CCAR1: variants seen among roughly 807,000 people sequenced by gnomAD.
CCAR1 encodes cell division cycle and apoptosis regulator 1.
In CCAR1, 78 loss-of-function variants were observed where a neutral mutation model predicts 163.8. That is an observed-to-expected ratio of 0.48 (90% CI 0.40 to 0.57). CCAR1 has a LOEUF of 0.57. CCAR1 is among the 20% of genes least tolerant of loss of function. The pLI is 0.00. For synonymous variants in CCAR1, 443 were observed against 460.7 expected, an observed-to-expected ratio of 0.96 and a Z score of 0.49; for missense variants, 1,019 against 1,365.2, an observed-to-expected ratio of 0.75 and a Z score of 4.00.
chr10:68,732,331 A>C (rs1564528966), intron 2 of CCAR1, among the ~76,000 whole-genome samples: 2 of 151,218 alleles, frequency 1.3e-5, no homozygotes. Flanking sequence ...CTATTACCAG[A>C]ACAGTTTTGT....
intron 4 of CCAR1, 28 bp from the exon 5 acceptor site, chr10:68,740,601 C>G (rs202105875): frequency 3.1e-6 from 5 of 1,600,792 alleles, no homozygotes; most frequent in Non-Finnish European, 4.3e-6. Flanking sequence ...TGACCCTTTT[C>G]TGTGTGTGTT....
Position 68,777,909 on chromosome 10 carries a change from A to G in CCAR1, c.2650+4810A>G, listed in dbSNP as rs551016051. ...ATCACACCACTGCACTCCAGCCTCGACAATAAAGCAAGACCCTGTCTGAAA... is the reference window on the plus strand; with the variant it reads ...ATCACACCACTGCACTCCAGCCTCGGCAATAAAGCAAGACCCTGTCTGAAA... On this transcript the variant is annotated intron_variant, in intron 19 of 24. Coordinates refer to ENST00000265872, the MANE Select transcript of CCAR1 (RefSeq NM_018237.4). Among the ~76,000 whole-genome samples, 419 of 151,906 alleles carry G rather than the reference A, an allele frequency of 2.8e-3. 3 individuals are homozygous for G. Among genetic ancestry groups the G allele is most frequent in the African/African-American group, 9.4e-3 (391 of 41,400 alleles).
At chr10:68,732,991 T>C (rs1463062639) in intron 2 of CCAR1, among the ~76,000 whole-genome samples, 1 of 152,220 alleles carries the variant, frequency 6.6e-6, no homozygotes, top group African/African-American at 2.4e-5. Flanking sequence ...CTCATTGCGG[T>C]TAACCTCATT....
intron 19 of CCAR1, among the ~76,000 whole-genome samples, chr10:68,774,490 T>A (rs1386020148): frequency 6.6e-6 from 1 of 151,762 alleles, no homozygotes; most frequent in Non-Finnish European, 1.5e-5. Context: ...ATACAAAAAA[T>A]TAGCCGGGCA....
At chr10:68,729,203 GTTATAT>G (rs2055996320) in intron 2 of CCAR1, among the ~76,000 whole-genome samples, 1 of 151,632 alleles carries the variant, frequency 6.6e-6, no homozygotes, top group Non-Finnish European at 1.5e-5. Flanking sequence ...CTTGTAATAG[GTTATAT>G]TTAAAGTATT....
chr10:68,787,070 G>T (rs543015492), intron 21 of CCAR1: 1 of 163,994 alleles, frequency 6.1e-6, no homozygotes, highest in Non-Finnish European at 1.3e-5. Context: ...GGGTGACAGA[G>T]TGAGACTCCA....
chr10:68,755,222 C>T, intron 12 of CCAR1, 148 bp from the exon 13 acceptor site: 2 of 792,284 alleles, frequency 2.5e-6, no homozygotes, highest in Non-Finnish European at 4.6e-6. Context: ...CAGTGTGGAA[C>T]ACAATGAACT....
At chr10:68,769,367 T>A (rs11594131) in intron 17 of CCAR1, among the ~76,000 whole-genome samples, 30,473 of 152,142 alleles carry the variant, frequency 0.2, 3,410 homozygotes, top group South Asian at 0.28. Flanking sequence ...ACGCCTGTAA[T>A]CCCAGCACTT....
rs1381743720 is a variant in CCAR1 at position 68,756,791 on chromosome 10, A to G, written c.1836+308A>G. ...GACCAGTTGTTGAACAAGATTCAGT[A>G]TTAAGCCATTTTAAACATTTTGCCA... On this transcript the variant is annotated intron_variant, in intron 14 of 24. Coordinates refer to ENST00000265872, the MANE Select transcript of CCAR1 (RefSeq NM_018237.4). The surrounding 1 kb of genome is among the most constrained non-coding windows in gnomAD (Gnocchi z 5.1). Among the ~76,000 whole-genome samples the G allele has an allele frequency of 6.6e-6, 1 of 152,244 alleles. No homozygotes were observed. Among genetic ancestry groups the G allele is most frequent in the East Asian group, 1.9e-4 (1 of 5,208 alleles).
chr10:68,758,517 TG>T (rs2056423815), intron 15 of CCAR1, among the ~76,000 whole-genome samples: 2 of 143,996 alleles, frequency 1.4e-5, no homozygotes, highest in Non-Finnish European at 3.0e-5. Flanking sequence ...TGTGTGTGTG[TG>T]TGTGTGTGTG....
chr10:68,726,373 G>C (rs1158300639), intron 2 of CCAR1, among the ~76,000 whole-genome samples: 1 of 151,876 alleles, frequency 6.6e-6, no homozygotes, highest in Non-Finnish European at 1.5e-5. Context: ...AGATGGTCTT[G>C]ATCTCCTGAC....
intron 19 of CCAR1, among the ~76,000 whole-genome samples, chr10:68,781,321 T>C (rs914877208): frequency 6.6e-6 from 1 of 151,998 alleles, no homozygotes; most frequent in Non-Finnish European, 1.5e-5. Context: ...GGTGGGCAGA[T>C]CACCTGAGAT....
intron 19 of CCAR1, among the ~76,000 whole-genome samples, chr10:68,785,274 G>A (rs1204818040): frequency 6.7e-6 from 1 of 150,290 alleles, no homozygotes; most frequent in Admixed American, 6.7e-5. Flanking sequence ...AGGCCAGAGT[G>A]CAGTAGCATG....
At chr10:68,755,711 G>A (rs961756777) in intron 13 of CCAR1, among the ~76,000 whole-genome samples, 175 bp downstream of exon 13, 2 of 152,148 alleles carry the variant, frequency 1.3e-5, no homozygotes, top group African/African-American at 4.8e-5. Flanking sequence ...ATGTTTTGGG[G>A]GAAAAGGGAT....
At chr10:68,763,326 T>C (rs2056497836) in intron 16 of CCAR1, among the ~76,000 whole-genome samples, 1 of 152,012 alleles carries the variant, frequency 6.6e-6, no homozygotes, top group Admixed American at 6.6e-5. Flanking sequence ...AATTTTTGTA[T>C]TTTTAGTAGA....
rs142003958 is a variant in CCAR1 at position 68,763,593 on chromosome 10, G to A, written c.2107-2295G>A. On this transcript the variant is annotated intron_variant, in intron 16 of 24. Coordinates refer to ENST00000265872, the MANE Select transcript of CCAR1 (RefSeq NM_018237.4). Reference sequence around the variant, plus strand: ...CTCCCGAGTAGCTGGGATTACAGGCGCCTGCCACCATGCCTGGCTAATTTT... The same window carrying A: ...CTCCCGAGTAGCTGGGATTACAGGCACCTGCCACCATGCCTGGCTAATTTT... 4.7e-3 allele frequency among the ~76,000 whole-genome samples: 720 copies of A among 151,962 alleles called. 9 individuals are homozygous for A. The highest frequency in any genetic ancestry group is 0.016 in the East Asian group (80 of 5,160).
intron 2 of CCAR1, among the ~76,000 whole-genome samples, chr10:68,731,152 A>G (rs1220835282): frequency 1.3e-5 from 2 of 152,212 alleles, no homozygotes; most frequent in Non-Finnish European, 2.9e-5. Flanking sequence ...GTGCTTCAAT[A>G]TGTATAATTG....
intron 3 of CCAR1, 92 bp downstream of exon 3, chr10:68,737,140 G>T: frequency 1.2e-6 from 1 of 832,590 alleles, no homozygotes; most frequent in Non-Finnish European, 1.9e-6. Context: ...AGGTAGTGAA[G>T]AATTATGTGT....
intron 15 of CCAR1, among the ~76,000 whole-genome samples, chr10:68,759,096 A>T (rs1437172602): frequency 6.7e-6 from 1 of 149,640 alleles, no homozygotes; most frequent in Non-Finnish European, 1.5e-5. Context: ...AGGATACTGA[A>T]TAGAAAAAAC....
Sources: gnomAD v4.1 joint callset for allele counts (sites outside exome capture counted in the v4.1 genomes callset) on GRCh38, gnomAD v4.1.1 for gene constraint, Gnocchi (gnomAD v3.1) non-coding constraint, MANE v1.5 for transcripts, NCBI Gene and HGNC (gene_info 2026-07-23, HGNC 2026-07-21) for gene names.